The following TMEM132D variants were observed in gnomAD, a reference collection of about 807,000 sequenced individuals.
TMEM132D encodes mature OL transmembrane protein.
A neutral mutation model predicts 62.3 loss-of-function variants in TMEM132D; 21 were observed. The observed-to-expected ratio is 0.34, with a 90% CI of 0.24 to 0.49. The LOEUF (loss-of-function observed/expected upper bound fraction) is 0.49, where lower values mean the gene tolerates loss of function less well. Among genes scored for constraint, TMEM132D ranks in the 20% least tolerant of loss-of-function variants. TMEM132D has a pLI of 0.99. For synonymous variants in TMEM132D, 621 were observed against 575.6 expected, an observed-to-expected ratio of 1.08 and a Z score of -1.13; for missense variants, 1,346 against 1,402.8, an observed-to-expected ratio of 0.96 and a Z score of 0.65.
At chr12:129,807,776 A>C (rs1365990370) in intron 1 of TMEM132D, among the ~76,000 whole-genome samples, 1 of 152,206 alleles carries the variant, frequency 6.6e-6, no homozygotes, top group Admixed American at 6.5e-5. Flanking sequence ...GTCCAACTGC[A>C]GCTGATAAAC....
At chr12:129,374,268 T>TGAGAGAGAGAGAGAGAGA (rs1566048946) in intron 3 of TMEM132D, among the ~76,000 whole-genome samples, 372 of 28,312 alleles carry the variant, frequency 0.013, 2 homozygotes, top group African/African-American at 0.044. Flanking sequence ...ACCTCACACA[T>TGAGAGAGAGAGAGAGAGA]CAGAGAGAGA....
chr12:129,458,187 T>C (rs1182418460), intron 3 of TMEM132D, among the ~76,000 whole-genome samples: 1 of 152,132 alleles, frequency 6.6e-6, no homozygotes, highest in African/African-American at 2.4e-5. Flanking sequence ...CTCCACTAAA[T>C]TTTCCTCTAT....
intron 3 of TMEM132D, among the ~76,000 whole-genome samples, chr12:129,492,982 G>T (rs1325938780): frequency 3.3e-5 from 5 of 152,108 alleles, no homozygotes; most frequent in Non-Finnish European, 1.5e-5. Context: ...TCACCCCGCG[G>T]AACCTCCTGA....
chr12:129,409,402 G>A (rs12810714), intron 3 of TMEM132D, among the ~76,000 whole-genome samples: 31,942 of 152,084 alleles, frequency 0.21, 3,567 homozygotes, highest in African/African-American at 0.27. Flanking sequence ...ATGCACGCAC[G>A]CGCCTAGAAG....
At chr12:129,888,983 T>C (rs10847965) in intron 1 of TMEM132D, among the ~76,000 whole-genome samples, 92,578 of 152,054 alleles carry the variant, frequency 0.61, 29,841 homozygotes, top group Middle Eastern at 0.74. Context: ...CATTATGGTC[T>C]TATAAGAGGC....
chr12:129,583,334 A>T (rs1288737238), intron 2 of TMEM132D, among the ~76,000 whole-genome samples: 1 of 152,092 alleles, frequency 6.6e-6, no homozygotes, highest in Admixed American at 6.5e-5. Flanking sequence ...TCTAGTGGAG[A>T]GGGAGGGAGG....
chr12:129,868,240 G>A (rs544439511), intron 1 of TMEM132D, among the ~76,000 whole-genome samples: 8 of 151,810 alleles, frequency 5.3e-5, no homozygotes, highest in Admixed American at 1.3e-4. Flanking sequence ...ATGAGGCAGC[G>A]TTTCTAGGGA....
At chr12:129,607,639 C>A (rs1347392878) in intron 2 of TMEM132D, among the ~76,000 whole-genome samples, 2 of 152,228 alleles carry the variant, frequency 1.3e-5, no homozygotes, top group African/African-American at 2.4e-5. Context: ...AAGCCTTTTT[C>A]TGGTGCAGTT....
chr12:129,131,463 T>C (rs1324619477), intron 5 of TMEM132D, among the ~76,000 whole-genome samples: 1 of 152,104 alleles, frequency 6.6e-6, no homozygotes, highest in Non-Finnish European at 1.5e-5. Context: ...AAAAGTTAGC[T>C]GAGCATGGTG....
At chr12:129,824,682 C>T (rs1015261256) in intron 1 of TMEM132D, among the ~76,000 whole-genome samples, 3 of 152,214 alleles carry the variant, frequency 2.0e-5, no homozygotes, top group Non-Finnish European at 4.4e-5. Flanking sequence ...GAAACTGAAT[C>T]TGCAGGCACC....
chr12:129,631,412 TG>T (rs984372060), intron 2 of TMEM132D, among the ~76,000 whole-genome samples: 79 of 152,304 alleles, frequency 5.2e-4, no homozygotes, highest in African/African-American at 1.9e-3. Context: ...GAAAGGATCC[TG>T]GGTTACTCAT....
chr12:129,209,245 G>A (rs1878951698), intron 5 of TMEM132D, among the ~76,000 whole-genome samples: 2 of 152,160 alleles, frequency 1.3e-5, no homozygotes, highest in Admixed American at 1.3e-4. Context: ...ATCTCCCTGG[G>A]GATCTGGGAA....
At chr12:129,103,153 GGGAAATTAGAAGGAGGCCTCCAGGCTGGA>G (rs1875370438) in intron 5 of TMEM132D, among the ~76,000 whole-genome samples, 1 of 152,174 alleles carries the variant, frequency 6.6e-6, no homozygotes, top group African/African-American at 2.4e-5. Context: ...CTTCCAGTGA[GGGAAATTAGAAGGAGGCCTCCAGGCTGGA>G]GGAAGAGGAG....
At chr12:129,689,640 G>C (rs1394954472) in intron 2 of TMEM132D, among the ~76,000 whole-genome samples, 1 of 152,114 alleles carries the variant, frequency 6.6e-6, no homozygotes, top group Non-Finnish European at 1.5e-5. Context: ...TTTCTTCTAA[G>C]CCAATTAGCT....
intron 4 of TMEM132D, among the ~76,000 whole-genome samples, chr12:129,295,614 T>G (rs1174171073): frequency 6.6e-6 from 1 of 151,818 alleles, no homozygotes; most frequent in Non-Finnish European, 1.5e-5. Context: ...GCCAATTCTT[T>G]ATAATAATTA....
chr12:129,194,462 T>C (rs1032770201), intron 5 of TMEM132D, among the ~76,000 whole-genome samples: 1 of 151,814 alleles, frequency 6.6e-6, no homozygotes, highest in Non-Finnish European at 1.5e-5. Flanking sequence ...TACGTGAGGG[T>C]GGAGGGTGGG....
intron 4 of TMEM132D, among the ~76,000 whole-genome samples, chr12:129,312,131 C>T (rs1881991324): frequency 1.3e-5 from 2 of 152,298 alleles, no homozygotes; most frequent in Middle Eastern, 6.8e-3. Flanking sequence ...ATGAACATGT[C>T]TTAAGCTTAG....
At chr12:129,168,398 G>T (rs1374689342) in intron 5 of TMEM132D, among the ~76,000 whole-genome samples, 1 of 152,124 alleles carries the variant, frequency 6.6e-6, no homozygotes, top group African/African-American at 2.4e-5. Context: ...ACACCCAAAA[G>T]AATCCCCATA....
chr12:129,301,827 T>A (rs1214927721), intron 4 of TMEM132D, among the ~76,000 whole-genome samples: 1 of 152,150 alleles, frequency 6.6e-6, no homozygotes, highest in Non-Finnish European at 1.5e-5. Context: ...AGACACAGGA[T>A]TCACCATCAG....
Sources: gnomAD v4.1 joint callset for allele counts (sites outside exome capture counted in the v4.1 genomes callset) on GRCh38, gnomAD v4.1.1 for gene constraint, MANE v1.5 for transcripts, NCBI Gene and HGNC (gene_info 2026-07-23, HGNC 2026-07-21) for gene names.